TCEA1: variants seen among roughly 807,000 people sequenced by gnomAD.
The protein encoded by TCEA1 is transcription elongation factor A protein 1.
In TCEA1, 21 loss-of-function variants were observed where a neutral mutation model predicts 43.8. The ratio of observed to expected loss-of-function variants is 0.48; its 90% CI spans 0.34 to 0.69. The LOEUF (loss-of-function observed/expected upper bound fraction) is 0.69. Among genes scored for constraint, TCEA1 ranks in the 30% least tolerant of loss-of-function variants. The probability of loss-of-function intolerance (pLI) is 0.01; values close to 1 mark genes in which losing one functional copy is unlikely to be tolerated. For synonymous variants in TCEA1, 104 were observed against 117.5 expected (o/e 0.88, Z 0.75); for missense variants, 250 against 365.1 (o/e 0.68, Z 2.57).
intron 5 of TCEA1, among the ~76,000 whole-genome samples, chr8:53,987,685 T>C (rs1366337720): frequency 6.6e-6 from 1 of 152,160 alleles, no homozygotes; most frequent in Non-Finnish European, 1.5e-5. Context: ...CTCCCATATA[T>C]AAATCAAGAC....
intron 2 of TCEA1, among the ~76,000 whole-genome samples, chr8:54,004,327 T>C (rs937541522): frequency 4.6e-5 from 7 of 152,212 alleles, no homozygotes; most frequent in African/African-American, 7.2e-5. Context: ...CACAAACTTG[T>C]ATATAAACAC....
chr8:53,973,052 T>A, intron 8 of TCEA1: 1 of 673,342 alleles, frequency 1.5e-6, no homozygotes, highest in Non-Finnish European at 2.8e-6. Flanking sequence ...AGGAAGAGCT[T>A]TTGGACATGG....
At chr8:53,978,277 C>T (rs1023209734) in intron 8 of TCEA1, among the ~76,000 whole-genome samples, 2 of 152,134 alleles carry the variant, frequency 1.3e-5, no homozygotes, top group African/African-American at 2.4e-5. Context: ...ATCATTCTTA[C>T]ACTTAAGAAA....
At chr8:53,993,828 T>C in intron 3 of TCEA1, 73 bp from the exon 4 acceptor site, 1 of 1,187,232 alleles carries the variant, frequency 8.4e-7, no homozygotes. Flanking sequence ...GTTAACAGGC[T>C]ATTTGCACAA....
chr8:53,969,364 T>C (rs1803088088), intron 9 of TCEA1, among the ~76,000 whole-genome samples: 1 of 152,160 alleles, frequency 6.6e-6, no homozygotes, highest in East Asian at 1.9e-4. Flanking sequence ...AGAAGCCAAA[T>C]GGATATCTTC....
chr8:53,999,839 T>G (rs1241991814), intron 3 of TCEA1, 106 bp downstream of exon 3: 1 of 796,626 alleles, frequency 1.3e-6, no homozygotes, highest in Non-Finnish European at 2.1e-6. Flanking sequence ...TATATCTAGA[T>G]TCACTAAGAA....
intron 7 of TCEA1, among the ~76,000 whole-genome samples, chr8:53,979,934 T>A (rs1034785507): frequency 6.6e-6 from 1 of 152,190 alleles, no homozygotes; most frequent in African/African-American, 2.4e-5. Context: ...CCTAGTCACC[T>A]AGGAATAGTT....
At chr8:54,009,410 T>A (rs570788398) in intron 2 of TCEA1, among the ~76,000 whole-genome samples, 2 of 152,146 alleles carry the variant, frequency 1.3e-5, no homozygotes, top group Non-Finnish European at 2.9e-5. Context: ...AGCCAAGATA[T>A]GGAATCAACC....
intron 2 of TCEA1, among the ~76,000 whole-genome samples, chr8:54,004,926 A>G (rs897981529): frequency 6.6e-6 from 1 of 152,196 alleles, no homozygotes; most frequent in East Asian, 1.9e-4. Context: ...GATTGAATAA[A>G]TTAATCTACT....
intron 9 of TCEA1, among the ~76,000 whole-genome samples, chr8:53,969,346 G>A (rs1803087347): frequency 6.6e-6 from 1 of 152,108 alleles, no homozygotes; most frequent in Non-Finnish European, 1.5e-5. Context: ...CCCTTAAAGT[G>A]GAGTTGAAGA....
chr8:54,007,273 TATATA>T (rs1489663198), intron 2 of TCEA1, among the ~76,000 whole-genome samples: 24 of 152,324 alleles, frequency 1.6e-4, no homozygotes, highest in Middle Eastern at 3.4e-3. Flanking sequence ...GCAAACCAAT[TATATA>T]ATATAAAATT....
At chr8:53,973,815 G>GA (rs1803240335) in intron 8 of TCEA1, 3 of 404,624 alleles carry the variant, frequency 7.4e-6, no homozygotes, top group Admixed American at 3.6e-5. Context: ...AAAAGCTGTG[G>GA]AAAAAACCCT....
intron 8 of TCEA1, among the ~76,000 whole-genome samples, chr8:53,975,804 G>C (rs763049197): frequency 2.0e-4 from 31 of 152,166 alleles, no homozygotes; most frequent in South Asian, 6.2e-4. Flanking sequence ...GTGTTCCGGA[G>C]ACTGGATGTA....
intron 4 of TCEA1, among the ~76,000 whole-genome samples, chr8:53,989,101 C>A (rs941046100): frequency 2.0e-5 from 3 of 151,810 alleles, no homozygotes; most frequent in African/African-American, 4.8e-5. Flanking sequence ...AAAAGGAAAA[C>A]CTTGTTCCAC....
chr8:53,973,368 G>C (rs568922947), intron 8 of TCEA1: 1 of 514,232 alleles, frequency 1.9e-6, no homozygotes, highest in African/African-American at 2.0e-5. Context: ...TTTTAAAGAA[G>C]AAAGAAAAAA....
At chr8:53,975,555 C>T (rs1803305782) in intron 8 of TCEA1, among the ~76,000 whole-genome samples, 1 of 152,052 alleles carries the variant, frequency 6.6e-6, no homozygotes, top group South Asian at 2.1e-4. Context: ...ATTATCCAGC[C>T]GTAAAAAGTA....
In TCEA1 at chr8:53,967,441, A is replaced by G. The variant is rs1803018441; in HGVS notation, c.*663T>C. The G allele has an allele frequency of 1.0e-5, 2 of 198,640 alleles. No individual in the cohort carries two copies. Among genetic ancestry groups the G allele is most frequent in the South Asian group, 3.8e-4 (2 of 5,218 alleles). 12.3% of individuals were successfully genotyped at this position (198,640 alleles called of 1,614,324 possible). On this transcript the variant is annotated 3_prime_UTR_variant, in exon 10 of 10. Coordinates refer to ENST00000521604, the MANE Select transcript of TCEA1 (RefSeq NM_006756.4). ...CAGGAAAACCAAACTGATCTCAATA[A>G]AGTCTTGTTTCCAAAAATCTATTAA... is the stretch of plus-strand genomic sequence containing the variant.
chr8:54,002,180 G>GA (rs944432912), intron 2 of TCEA1, among the ~76,000 whole-genome samples: 6 of 145,070 alleles, frequency 4.1e-5, no homozygotes, highest in South Asian at 2.2e-4. Context: ...TCTCCAAAAA[G>GA]AAAAAAAAAG....
chr8:54,018,794 T>C (rs1201772098), intron 1 of TCEA1, among the ~76,000 whole-genome samples: 1 of 152,190 alleles, frequency 6.6e-6, no homozygotes, highest in Non-Finnish European at 1.5e-5. Flanking sequence ...GAAACACACC[T>C]GCCCCAAAAC....
Sources: allele counts gnomAD v4.1 joint callset (sites outside exome capture counted in the v4.1 genomes callset), GRCh38; gene constraint gnomAD v4.1.1; transcripts MANE v1.5; gene names NCBI Gene and HGNC (gene_info 2026-07-23, HGNC 2026-07-21).